Variants in NFATC1 observed in about 807,000 individuals in gnomAD.
NFATC1 encodes nuclear factor of activated T-cells, cytoplasmic 1.
A neutral mutation model predicts 76.0 loss-of-function variants in NFATC1; 22 were observed. The ratio of observed to expected loss-of-function variants is 0.29; its 90% CI spans 0.21 to 0.41. NFATC1 has a LOEUF of 0.41. NFATC1 is among the 10% of genes least tolerant of loss of function. The pLI is 1.00. For missense variants in NFATC1, 1,357 were observed against 1,337.7 expected, an observed-to-expected ratio of 1.01 and a Z score of -0.23; for synonymous variants, 704 against 613.1, an observed-to-expected ratio of 1.15 and a Z score of -2.19.
Position 79,465,616 on chromosome 18 carries a change from C to G in NFATC1, c.1960-1834C>G, listed in dbSNP as rs903758048. ...CACTCCTCGCTGCTGCCTGTGAGTG[C>G]CTCCCGGCCCGTTACTATTTCAGTC... is the stretch of plus-strand genomic sequence containing the variant. On this transcript the variant is annotated intron_variant, in intron 7 of 9. Transcript: ENST00000427363. The surrounding 1 kb of genome is among the most constrained non-coding windows in gnomAD (Gnocchi z 4.2). Among the ~76,000 whole-genome samples the G allele has an allele frequency of 2.6e-5, 4 of 152,222 alleles. No homozygotes were observed. The highest frequency in any genetic ancestry group is 5.9e-5 in the Non-Finnish European group (4 of 68,034).
rs147369114 is a variant in NFATC1, at chr18:79,527,218, A to G, written c.2783-310A>G. ...GACCTGTGGGTCGCTTGGTTCGTGG[A>G]GAGACAGCCACAGCATCTTCCCAGC... On this transcript the variant is annotated intron_variant, in intron 9 of 9. Transcript: ENST00000427363. 6.4e-3 allele frequency: 1,976 copies of G among 308,864 alleles called. 17 individuals carry two copies. The highest frequency in any genetic ancestry group is 0.014 in the South Asian group (286 of 20,584). 19.1% of individuals were successfully genotyped at this position (308,864 alleles called of 1,614,324 possible).
At chr18:79,453,263 A>C (rs892592525) in intron 6 of NFATC1, among the ~76,000 whole-genome samples, 1 of 152,252 alleles carries the variant, frequency 6.6e-6, no homozygotes, top group South Asian at 2.1e-4. Context: ...TTCAAAGCCC[A>C]GACCTGAGCA....
rs112028090 is a variant in NFATC1, at chr18:79,411,081, G to A, written c.806G>A (p.Ser269Asn). Reference protein sequence around the residue: ...PASPCNKRKYSLNGRQPPYSP... With the variant: ...PASPCNKRKYNLNGRQPPYSP... ...TCCCCTTGCAACAAGAGGAAGTACAGCCTCAACGGCCGGCAGCCGCCCTAC... is the reference window on the plus strand; with the variant it reads ...TCCCCTTGCAACAAGAGGAAGTACAACCTCAACGGCCGGCAGCCGCCCTAC... The change falls in exon 2 of 10, where the codon AGC becomes AAC. Residue 269 changes from serine to asparagine, a missense_variant. Around this residue, in one of 3 missense-constraint regions of NFATC1, gnomAD observed 691 missense variants for 613.1 expected, o/e 1.13. Coordinates refer to ENST00000427363, the MANE Select transcript of NFATC1 (RefSeq NM_001278669.2). The A allele has an allele frequency of 2.5e-6, 4 of 1,612,058 alleles. No individual in the cohort carries two copies. Among genetic ancestry groups the A allele is most frequent in the Admixed American group, 1.7e-5 (1 of 59,984 alleles).
intron 9 of NFATC1, among the ~76,000 whole-genome samples, chr18:79,502,891 C>T (rs2090043452): frequency 6.6e-6 from 1 of 152,214 alleles, no homozygotes; most frequent in Non-Finnish European, 1.5e-5. Context: ...CATGGCATTA[C>T]ATTCCGGCCA....
chr18:79,448,810 T>A lies in NFATC1; in HGVS notation c.1415T>A (p.Leu472Gln). The change falls in exon 4 of 10, where the codon CTG becomes CAG. Residue 472 changes from leucine to glutamine, a missense_variant. By Grantham distance (113) the Leu-to-Gln change is moderately radical. Coordinates refer to ENST00000427363, the MANE Select transcript of NFATC1 (RefSeq NM_001278669.2). ...CATGGCTACTTGGAGAATGAGCCGC[T>A]GATGCTGCAGCTTTTCATTGGGACG... is the stretch of plus-strand genomic sequence containing the variant. ...QLHGYLENEP[L>Q]MLQLFIGTAD... 1 of 1,613,876 alleles carries A rather than the reference T, an allele frequency of 6.2e-7. No individual in the cohort carries two copies. The highest frequency in any genetic ancestry group is 8.5e-7 in the Non-Finnish European group (1 of 1,180,010).
chr18:79,509,837 T>C (rs2090201943), intron 9 of NFATC1, among the ~76,000 whole-genome samples: 1 of 152,170 alleles, frequency 6.6e-6, no homozygotes, highest in Non-Finnish European at 1.5e-5. Flanking sequence ...CCTCCCACTT[T>C]CTCTGGGCTG....
chr18:79,443,593 C>A (rs1450623980), intron 3 of NFATC1, among the ~76,000 whole-genome samples: 1 of 152,242 alleles, frequency 6.6e-6, no homozygotes, highest in Non-Finnish European at 1.5e-5. Context: ...TGCTATGTAA[C>A]CTCCGCCGTT....
intron 6 of NFATC1, among the ~76,000 whole-genome samples, chr18:79,457,696 G>A (rs1328539563): frequency 6.6e-6 from 1 of 152,148 alleles, no homozygotes; most frequent in Non-Finnish European, 1.5e-5. Flanking sequence ...CCTTGCCCAT[G>A]AGTGGCCACC....
chr18:79,407,737 G>A (rs1019775165), intron 1 of NFATC1, among the ~76,000 whole-genome samples: 17 of 152,198 alleles, frequency 1.1e-4, no homozygotes, highest in South Asian at 2.1e-4. Flanking sequence ...GAGCCACCGC[G>A]CCTGGCCACC....
chr18:79,515,810 T>G (rs188236529), intron 9 of NFATC1: 31 of 152,132 alleles, frequency 2.0e-4, no homozygotes, highest in African/African-American at 7.5e-4. Context: ...GCTTTAACAT[T>G]TTTATTTTTT....
At chr18:79,467,904 G>T in intron 8 of NFATC1, 2 of 1,163,886 alleles carry the variant, frequency 1.7e-6, no homozygotes, top group Non-Finnish European at 2.1e-6. Flanking sequence ...GGGGGTCCTG[G>T]TGTGCATTTG....
chr18:79,498,036 G>A (rs999213291), intron 9 of NFATC1: 1 of 125,790 alleles, frequency 7.9e-6, no homozygotes, highest in Non-Finnish European at 1.6e-5. Flanking sequence ...AGGGGAAGCC[G>A]AGAAACAACA....
intron 6 of NFATC1, among the ~76,000 whole-genome samples, chr18:79,454,194 C>T (rs779036218): frequency 1.2e-4 from 19 of 152,296 alleles, no homozygotes; most frequent in East Asian, 5.8e-4. Flanking sequence ...CTGCGTCTCT[C>T]GACTGTCCTG....
intron 3 of NFATC1, among the ~76,000 whole-genome samples, chr18:79,443,233 C>T (rs1197208121): frequency 6.6e-6 from 1 of 152,256 alleles, no homozygotes; most frequent in Non-Finnish European, 1.5e-5. Flanking sequence ...TGAGCTGACA[C>T]TCCGTGGTGT....
intron 7 of NFATC1, among the ~76,000 whole-genome samples, chr18:79,466,704 G>A (rs1304196164): frequency 1.3e-5 from 2 of 152,218 alleles, no homozygotes; most frequent in Non-Finnish European, 2.9e-5. Context: ...GGTCTGCGGG[G>A]GTCAGGGCCT....
At chr18:79,509,520 CCAT>C (rs1471617882) in intron 9 of NFATC1, among the ~76,000 whole-genome samples, 3 of 152,258 alleles carry the variant, frequency 2.0e-5, no homozygotes, top group Non-Finnish European at 2.9e-5. Context: ...CCGCGCAGTG[CCAT>C]GCCGTGGGCC....
At position 79,527,753 on chromosome 18, in the gene NFATC1, G is replaced by T. The variant is rs2090807710; in HGVS notation, c.*176G>T. 2.6e-5 allele frequency: 16 copies of T among 620,228 alleles called. 1 individual carries two copies. The South Asian group carries it at 2.6e-4, about 10-fold the overall frequency. The allele number at this position is 620,228 out of a possible 1,614,324, so 38.4% of individuals were successfully genotyped here. On this transcript the variant is annotated 3_prime_UTR_variant, in exon 10 of 10. Coordinates refer to ENST00000427363, the MANE Select transcript of NFATC1 (RefSeq NM_001278669.2). ...GGCTCTCCAACAAGAAGGAAAGCAG[G>T]GAGGAAGGGAGACCACTGTGTCACC... is the stretch of plus-strand genomic sequence containing the variant.
At chr18:79,517,372 C>G (rs2090407856) in intron 9 of NFATC1, among the ~76,000 whole-genome samples, 1 of 152,176 alleles carries the variant, frequency 6.6e-6, no homozygotes, top group Non-Finnish European at 1.5e-5. Context: ...ATGACTTGTC[C>G]TCTGAAGAAT....
intron 8 of NFATC1, among the ~76,000 whole-genome samples, chr18:79,476,974 C>G (rs35903852): frequency 1.3e-5 from 2 of 152,140 alleles, no homozygotes; most frequent in Non-Finnish European, 2.9e-5. Context: ...GGATGGAGTT[C>G]GGAAGGACCC....
Sources: allele counts gnomAD v4.1 joint callset (sites outside exome capture counted in the v4.1 genomes callset), GRCh38; gene constraint gnomAD v4.1.1; regional missense constraint gnomAD v4.1.1; non-coding constraint Gnocchi (gnomAD v3.1); transcripts MANE v1.5; gene names NCBI Gene and HGNC (gene_info 2026-07-23, HGNC 2026-07-21).